ERICH6B: variants seen among roughly 807,000 people sequenced by gnomAD.
The protein encoded by ERICH6B is glutamate-rich protein 6B.
A neutral mutation model predicts 80.0 loss-of-function variants in ERICH6B; 69 were observed. The observed-to-expected ratio is 0.86, with a 90% CI of 0.71 to 1.05. ERICH6B has a LOEUF of 1.05. ERICH6B is among the 50% of genes least tolerant of loss of function. The pLI is 0.00. For missense variants in ERICH6B, 754 were observed against 796.1 expected (o/e 0.95, Z 0.64); for synonymous variants, 283 against 291.9 (o/e 0.97, Z 0.31).
At chr13:45,580,761 G>A in intron 5 of ERICH6B, 96 bp from the exon 6 acceptor site, 2 of 1,257,004 alleles carry the variant, frequency 1.6e-6, no homozygotes. Context: ...GTTCTTTCTT[G>A]GCACCCAAGG....
At chr13:45,561,795 GGATGCCT>G (rs759875482) in intron 10 of ERICH6B, among the ~76,000 whole-genome samples, 4 of 152,142 alleles carry the variant, frequency 2.6e-5, no homozygotes, top group Non-Finnish European at 4.4e-5. Context: ...GCCCAGTGCT[GGATGCCT>G]GATATGACAG....
At chr13:45,588,417 G>A (rs1055527639) in intron 4 of ERICH6B, among the ~76,000 whole-genome samples, 6 of 152,192 alleles carry the variant, frequency 3.9e-5, no homozygotes, top group African/African-American at 7.2e-5. Flanking sequence ...GGATCCTAGG[G>A]CAGGTGACCG....
At chr13:45,606,447 C>CA (rs1414111359) in intron 2 of ERICH6B, among the ~76,000 whole-genome samples, 1 of 136,394 alleles carries the variant, frequency 7.3e-6, no homozygotes, top group African/African-American at 2.8e-5. Context: ...GGGTGGTGGG[C>CA]AGCTGGTGGC....
intron 3 of ERICH6B, among the ~76,000 whole-genome samples, chr13:45,596,010 A>G (rs1274488009): frequency 2.6e-5 from 4 of 152,230 alleles, no homozygotes; most frequent in African/African-American, 9.7e-5. Context: ...TGAAAAAGGA[A>G]AGATACAAAT....
chr13:45,558,464 A>C (rs1186207398), intron 11 of ERICH6B, among the ~76,000 whole-genome samples: 2 of 152,134 alleles, frequency 1.3e-5, no homozygotes, highest in Non-Finnish European at 2.9e-5. Flanking sequence ...GCCTTCCAGT[A>C]CTATGTTGAG....
At chr13:45,578,900 A>G (rs1162320719) in intron 7 of ERICH6B, among the ~76,000 whole-genome samples, 3 of 152,200 alleles carry the variant, frequency 2.0e-5, no homozygotes, top group African/African-American at 7.2e-5. Context: ...ATAATCATAA[A>G]TTAGCCAGGA....
intron 1 of ERICH6B, among the ~76,000 whole-genome samples, chr13:45,612,053 T>C (rs1949902743): frequency 6.6e-6 from 1 of 152,250 alleles, no homozygotes; most frequent in Non-Finnish European, 1.5e-5. Flanking sequence ...TTGAACCAGA[T>C]ACAGGTATTT....
At chr13:45,603,665 C>T (rs1326387897) in intron 2 of ERICH6B, among the ~76,000 whole-genome samples, 1 of 152,168 alleles carries the variant, frequency 6.6e-6, no homozygotes, top group African/African-American at 2.4e-5. Context: ...CTCTGTCACC[C>T]CCTTTCCCAG....
intron 1 of ERICH6B, among the ~76,000 whole-genome samples, chr13:45,611,736 T>A (rs1949901095): frequency 6.6e-6 from 1 of 152,188 alleles, no homozygotes; most frequent in Non-Finnish European, 1.5e-5. Flanking sequence ...GGATGGGAGC[T>A]CAGTGCCTCG....
chr13:45,565,838 A>G (rs1307629843), intron 9 of ERICH6B, among the ~76,000 whole-genome samples: 1 of 152,242 alleles, frequency 6.6e-6, no homozygotes, highest in Non-Finnish European at 1.5e-5. Flanking sequence ...GTGCTGCTCA[A>G]AGATACCTGA....
intron 3 of ERICH6B, among the ~76,000 whole-genome samples, chr13:45,593,935 G>T (rs1034920231): frequency 6.6e-5 from 10 of 152,144 alleles, no homozygotes; most frequent in African/African-American, 2.4e-4. Flanking sequence ...AATGGATAAG[G>T]TTAAAAAAAT....
intron 3 of ERICH6B, among the ~76,000 whole-genome samples, chr13:45,595,454 AAC>A (rs1876322553): frequency 6.6e-6 from 1 of 151,910 alleles, no homozygotes. Context: ...GCAGGTTACA[AAC>A]ACAATATAAA....
rs149451200 is a variant in ERICH6B at position 45,544,151 on chromosome 13, C to T, written c.1872+609G>A. ...GCAGTGGTGTGATCTCAGCTCACTG[C>T]AACCTCCGTCTCCCTGGTTCAAACA... On this transcript the variant is annotated intron_variant, in intron 14 of 14. Coordinates refer to ENST00000298738, the MANE Select transcript of ERICH6B (RefSeq NM_182542.3). Among the ~76,000 whole-genome samples the T allele has an allele frequency of 1.0e-2, 1,516 of 152,262 alleles. 29 individuals carry two copies. Among genetic ancestry groups the T allele is most frequent in the African/African-American group, 0.034 (1,397 of 41,546 alleles).
At chr13:45,562,780 G>T (rs938208997) in intron 10 of ERICH6B, among the ~76,000 whole-genome samples, 6 of 152,226 alleles carry the variant, frequency 3.9e-5, no homozygotes, top group Admixed American at 2.6e-4. Flanking sequence ...TTGGAGGCTG[G>T]AGTGGGGATG....
At chr13:45,573,151 T>C (rs1028615699) in intron 8 of ERICH6B, among the ~76,000 whole-genome samples, 2 of 152,060 alleles carry the variant, frequency 1.3e-5, no homozygotes, top group Non-Finnish European at 1.5e-5. Flanking sequence ...ATTCATTGCA[T>C]TGAATACATA....
chr13:45,549,899 TC>T lies in ERICH6B; in HGVS notation c.1639del (p.Asp547IlefsTer4). The T allele has an allele frequency of 6.4e-7, 1 of 1,550,618 alleles. No homozygotes were observed. The highest frequency in any genetic ancestry group is 8.7e-7 in the Non-Finnish European group (1 of 1,146,846). On this transcript the variant is annotated frameshift_variant, in exon 13 of 15. Coordinates refer to ENST00000298738, the MANE Select transcript of ERICH6B (RefSeq NM_182542.3). LOFTEE classifies it high-confidence loss of function. The part of the protein sequence containing the change: ...GNATFYDENS[D>X]IWLNLSSNLG... ...ACTCATGACCCAAGCTTACCAGATA[TC>T]ACTATTTTCATCATAGAAGGTAGCA...
chr13:45,606,521 ATATATATATATATATATATATATATATT>A (rs1949862811), intron 2 of ERICH6B, among the ~76,000 whole-genome samples: 4 of 29,470 alleles, frequency 1.4e-4, no homozygotes, highest in African/African-American at 5.1e-4. Flanking sequence ...ATATATATAT[ATATATATATATATATATATATATATATT>A]TTTTTTTTTT....
intron 1 of ERICH6B, among the ~76,000 whole-genome samples, chr13:45,609,859 A>G (rs1949889691): frequency 6.6e-6 from 1 of 152,266 alleles, no homozygotes; most frequent in Non-Finnish European, 1.5e-5. Flanking sequence ...TGCAAAAATT[A>G]TAACAGTGAG....
chr13:45,561,397 T>C lies in ERICH6B; in HGVS notation c.1379A>G (p.Asp460Gly). 5 of 1,552,358 alleles carry C rather than the reference T, an allele frequency of 3.2e-6. No individual in the cohort carries two copies. Among genetic ancestry groups the C allele is most frequent in the Non-Finnish European group, 4.4e-6 (5 of 1,147,144 alleles). The change falls in exon 11 of 15, where the codon GAT becomes GGT. Residue 460 changes from aspartate (D) to glycine (G), a missense_variant. Transcript: ENST00000298738. The part of the protein sequence containing the change: ...VVHHRKKLER[D>G]KEWIQKKTVV... Reference sequence around the variant, plus strand: ...TGTCTTCTTCTGTATCCATTCCTTATCTCGTTCTAATTTCTTCCTATGATG... The same window carrying C: ...TGTCTTCTTCTGTATCCATTCCTTACCTCGTTCTAATTTCTTCCTATGATG...
Sources: gnomAD v4.1 joint callset for allele counts (sites outside exome capture counted in the v4.1 genomes callset) on GRCh38, gnomAD v4.1.1 for gene constraint, MANE v1.5 for transcripts, NCBI Gene and HGNC (gene_info 2026-07-23, HGNC 2026-07-21) for gene names.